TENM2: variants seen among roughly 807,000 people sequenced by gnomAD.
TENM2 encodes teneurin transmembrane protein 2, also known as teneurin-2.
Under a neutral mutation model 245.2 loss-of-function variants are expected in TENM2, and 52 were observed. The ratio of observed to expected loss-of-function variants is 0.21; its 90% CI spans 0.17 to 0.27. The LOEUF (loss-of-function observed/expected upper bound fraction) is 0.27, where lower values mean the gene tolerates loss of function less well. TENM2 is among the 10% of genes least tolerant of loss of function. The pLI, the probability that TENM2 is intolerant of heterozygous loss-of-function variation, is 1.00. For missense variants in TENM2, 3,046 were observed against 3,666.8 expected, an observed-to-expected ratio of 0.83 and a Z score of 4.37; for synonymous variants, 1,363 against 1,438.9, an observed-to-expected ratio of 0.95 and a Z score of 1.19.
chr5:168,031,868 C>T (rs948678494), intron 5 of TENM2, among the ~76,000 whole-genome samples: 1 of 152,060 alleles, frequency 6.6e-6, no homozygotes, highest in East Asian at 1.9e-4. Context: ...AGCCTCACAG[C>T]TACTAAAAAC....
At chr5:167,068,517 A>T in the TENM2 span, among the ~76,000 whole-genome samples, 2 of 152,216 alleles carry the variant, frequency 1.3e-5, no homozygotes, top group African/African-American at 4.8e-5. Context: ...TGTATAACCA[A>T]AGTAAAAATG....
intron 2 of TENM2, among the ~76,000 whole-genome samples, chr5:167,414,873 T>A (rs1763085890): frequency 6.6e-6 from 1 of 152,062 alleles, no homozygotes; most frequent in Non-Finnish European, 1.5e-5. Context: ...GTGGAAAAAA[T>A]AATCAGTGGA....
At position 167,395,821 on chromosome 5, in the gene TENM2, A is replaced by G. The variant is rs74873094; in HGVS notation, c.502+20348A>G. Among the ~76,000 whole-genome samples, 612 of 152,278 alleles carry G rather than the reference A, an allele frequency of 4.0e-3. 2 individuals are homozygous for G. The highest frequency in any genetic ancestry group is 0.027 in the Middle Eastern group (8 of 294). ...ACTCAGTTTCCAGGAACCTATAGATAATTTTAAGTGAGGACTTGCTATATA... is the reference window on the plus strand; with the variant it reads ...ACTCAGTTTCCAGGAACCTATAGATGATTTTAAGTGAGGACTTGCTATATA... On this transcript the variant is annotated intron_variant, in intron 2 of 28. Coordinates refer to ENST00000518659, the Ensembl canonical transcript of TENM2.
chr5:167,686,697 G>C (rs1028153092), intron 2 of TENM2, among the ~76,000 whole-genome samples: 1 of 152,026 alleles, frequency 6.6e-6, no homozygotes. Context: ...TTTGGGATTT[G>C]AAAAACCAAA....
chr5:168,065,102 A>T (rs1790381706), intron 7 of TENM2, among the ~76,000 whole-genome samples: 1 of 152,162 alleles, frequency 6.6e-6, no homozygotes. Context: ...GACTCATTTG[A>T]GCTGGAAAAA....
chr5:168,241,960 C>A (rs973273600), intron 25 of TENM2, among the ~76,000 whole-genome samples: 3 of 152,132 alleles, frequency 2.0e-5, no homozygotes, highest in African/African-American at 7.2e-5. Context: ...ACTGAAGACA[C>A]CTAGATCAAC....
the TENM2 span, among the ~76,000 whole-genome samples, chr5:167,104,679 A>G: frequency 6.6e-6 from 1 of 152,188 alleles, no homozygotes; most frequent in East Asian, 1.9e-4. Context: ...ATGGGTGAAG[A>G]TGGACATTAA....
At chr5:167,750,613 C>T (rs1350229749) in intron 2 of TENM2, among the ~76,000 whole-genome samples, 2 of 152,132 alleles carry the variant, frequency 1.3e-5, no homozygotes, top group African/African-American at 4.8e-5. Context: ...TACACCTACA[C>T]TTTGATCCTC....
At chr5:167,662,287 C>T (rs1755265533) in intron 2 of TENM2, among the ~76,000 whole-genome samples, 1 of 152,164 alleles carries the variant, frequency 6.6e-6, no homozygotes, top group Admixed American at 6.5e-5. Flanking sequence ...TCTGCTCATT[C>T]AGCCACATCT....
At chr5:168,097,979 C>A in intron 8 of TENM2, 47 bp from the exon 11 acceptor site, 1 of 1,427,092 alleles carries the variant, frequency 7.0e-7, no homozygotes, top group Admixed American at 1.8e-5. Flanking sequence ...AATTACTGCA[C>A]CAGTAGACAG....
intron 2 of TENM2, among the ~76,000 whole-genome samples, chr5:167,579,269 T>A (rs1250190114): frequency 6.6e-6 from 1 of 152,244 alleles, no homozygotes; most frequent in Non-Finnish European, 1.5e-5. Context: ...AGCTGGATTT[T>A]CTTTTCTGTT....
chr5:168,218,971 G>A lies in TENM2; in HGVS notation c.5080G>A (p.Asp1694Asn), dbSNP rs1763441144. Residue 1694 changes from aspartate to asparagine, a missense_variant, in exon 23 of 29, where the codon GAT (aspartate) becomes AAT (asparagine). Asp to Asn is a conservative substitution (Grantham distance 23). Transcript: ENST00000518659. This position sits in a 1 kb window ranked among gnomAD's most constrained non-coding sequence, Gnocchi z 5.2. ...CACTGGGCTCCTGGCCACCAAGAGCGATGAAACAGGATGGACGACTTTCTA... is the reference window on the plus strand; with the variant it reads ...CACTGGGCTCCTGGCCACCAAGAGCAATGAAACAGGATGGACGACTTTCTA... 2 of 1,613,622 alleles carry A rather than the reference G, an allele frequency of 1.2e-6. No homozygotes were observed. Among genetic ancestry groups the A allele is most frequent in the South Asian group, 1.1e-5 (1 of 91,050 alleles).
intron 5 of TENM2, among the ~76,000 whole-genome samples, chr5:168,021,108 C>G (rs1482739916): frequency 6.6e-6 from 1 of 152,184 alleles, no homozygotes; most frequent in African/African-American, 2.4e-5. Flanking sequence ...TACTGGTAAG[C>G]CTTGGCTTAA....
At chr5:168,136,630 G>A (rs1359377113) in intron 12 of TENM2, among the ~76,000 whole-genome samples, 2 of 152,122 alleles carry the variant, frequency 1.3e-5, no homozygotes, top group Non-Finnish European at 2.9e-5. Flanking sequence ...TGCCAATAGT[G>A]GCTCTCCCAT....
At chr5:167,523,879 T>G (rs761239646) in intron 2 of TENM2, among the ~76,000 whole-genome samples, 10 of 152,192 alleles carry the variant, frequency 6.6e-5, no homozygotes, top group African/African-American at 1.2e-4. Context: ...TTGCCTATGT[T>G]TCTGTGCCCT....
intron 2 of TENM2, among the ~76,000 whole-genome samples, chr5:167,448,676 T>C (rs559683866): frequency 6.6e-6 from 1 of 151,688 alleles, no homozygotes; most frequent in East Asian, 1.9e-4. Context: ...GAATGAAAAT[T>C]AAATGCATTT....
chr5:167,101,938 ATTTT>A, the TENM2 span, among the ~76,000 whole-genome samples: 3 of 111,122 alleles, frequency 2.7e-5, no homozygotes, highest in African/African-American at 1.3e-4. Flanking sequence ...ATATATATAT[ATTTT>A]TTTTTTTTTT....
At chr5:168,132,849 G>A (rs556397252) in intron 12 of TENM2, among the ~76,000 whole-genome samples, 2 of 152,264 alleles carry the variant, frequency 1.3e-5, no homozygotes, top group African/African-American at 4.8e-5. Context: ...TTCACAATAC[G>A]CACTAAAGAT....
At chr5:168,101,259 G>T (rs1344691483) in intron 9 of TENM2, among the ~76,000 whole-genome samples, 1 of 152,108 alleles carries the variant, frequency 6.6e-6, no homozygotes, top group Non-Finnish European at 1.5e-5. Context: ...GACAGAGTCG[G>T]CCTTTTATAT....
Sources: gnomAD v4.1 joint callset for allele counts (sites outside exome capture counted in the v4.1 genomes callset) on GRCh38, gnomAD v4.1.1 for gene constraint, Gnocchi (gnomAD v3.1) non-coding constraint, MANE v1.5 for transcripts, NCBI Gene and HGNC (gene_info 2026-07-23, HGNC 2026-07-21) for gene names.